The following FAM114A1 variants were observed in gnomAD, a reference collection of about 807,000 sequenced individuals.
FAM114A1 encodes protein NOXP20.
In FAM114A1, 62 loss-of-function variants were observed where a neutral mutation model predicts 64.3. That is an observed-to-expected ratio of 0.96 (90% CI 0.79 to 1.19). The LOEUF is 1.19. FAM114A1 is among the 50% of genes most tolerant of loss of function. The pLI, the probability that FAM114A1 is intolerant of heterozygous loss-of-function variation, is 0.00. For synonymous variants in FAM114A1, 254 were observed against 251.1 expected (o/e 1.01, Z -0.11); for missense variants, 645 against 676.3 (o/e 0.95, Z 0.51).
chr4:38,927,307 C>T (rs1459595534), intron 9 of FAM114A1, among the ~76,000 whole-genome samples: 2 of 152,274 alleles, frequency 1.3e-5, no homozygotes, highest in South Asian at 2.1e-4. Flanking sequence ...CTTTGGAGAC[C>T]GTAAAGTCGA....
intron 14 of FAM114A1, among the ~76,000 whole-genome samples, chr4:38,941,760 C>T (rs1326221142): frequency 6.6e-6 from 1 of 152,142 alleles, no homozygotes; most frequent in Non-Finnish European, 1.5e-5. Context: ...GCTGAAGGCA[C>T]AAGGTGTTAA....
chr4:38,882,518 A>G (rs1329506908), intron 3 of FAM114A1, among the ~76,000 whole-genome samples: 1 of 151,492 alleles, frequency 6.6e-6, no homozygotes, highest in Non-Finnish European at 1.5e-5. Flanking sequence ...AATCCCAGCT[A>G]CTCGAGAGGC....
chr4:38,913,483 C>T (rs961254249), intron 7 of FAM114A1, among the ~76,000 whole-genome samples: 9 of 152,064 alleles, frequency 5.9e-5, no homozygotes, highest in African/African-American at 1.4e-4. Flanking sequence ...ACTGCGCCTC[C>T]GGGTTCAACC....
At chr4:38,873,074 C>T (rs1302355424) in intron 2 of FAM114A1, among the ~76,000 whole-genome samples, 1 of 152,216 alleles carries the variant, frequency 6.6e-6, no homozygotes, top group Non-Finnish European at 1.5e-5. Flanking sequence ...TACCCCTTCT[C>T]TATACAGTGG....
chr4:38,922,021 A>AAACTCCG (rs1389202675), intron 8 of FAM114A1, among the ~76,000 whole-genome samples: 2 of 152,108 alleles, frequency 1.3e-5, no homozygotes, highest in Non-Finnish European at 2.9e-5. Flanking sequence ...GGCTCACTGC[A>AAACTCCG]AACTCCGACT....
chr4:38,943,356 T>TG (rs66999589), intron 14 of FAM114A1, 100 bp from the exon 15 acceptor site: 5 of 849,118 alleles, frequency 5.9e-6, no homozygotes, highest in Middle Eastern at 2.2e-4. Flanking sequence ...TAATCCAATA[T>TG]GGGGGGTGGG....
At chr4:38,883,371 T>C (rs543117481) in intron 3 of FAM114A1, among the ~76,000 whole-genome samples, 1 of 152,284 alleles carries the variant, frequency 6.6e-6, no homozygotes, top group East Asian at 1.9e-4. Context: ...GGGAGTAACA[T>C]TTGTTCCCAG....
At chr4:38,904,320 A>G (rs1717786203) in intron 4 of FAM114A1, among the ~76,000 whole-genome samples, 1 of 152,206 alleles carries the variant, frequency 6.6e-6, no homozygotes, top group African/African-American at 2.4e-5. Context: ...CAGAAAAGCT[A>G]TAGCTCATCG....
intron 13 of FAM114A1, 133 bp from the exon 14 acceptor site, chr4:38,940,835 G>T: frequency 2.2e-6 from 2 of 889,940 alleles, no homozygotes; most frequent in South Asian, 3.1e-5. Flanking sequence ...AGCCTGGTCT[G>T]TAGGAAGCAT....
At chr4:38,904,338 C>G (rs556916121) in intron 4 of FAM114A1, among the ~76,000 whole-genome samples, 28 of 152,274 alleles carry the variant, frequency 1.8e-4, no homozygotes, top group African/African-American at 6.5e-4. Flanking sequence ...TCGTGAAGGC[C>G]TCAAAGGGAG....
chr4:38,905,883 C>T (rs1259536527), intron 6 of FAM114A1, 22 bp downstream of exon 6: 3 of 1,594,096 alleles, frequency 1.9e-6, no homozygotes, highest in Non-Finnish European at 2.6e-6. Flanking sequence ...GCTGCTTCCT[C>T]TCTTTCCCCT....
Position 38,917,545 on chromosome 4 carries a change from A to C in FAM114A1, c.945+2472A>C, listed in dbSNP as rs144786324. On this transcript the variant is annotated intron_variant, in intron 8 of 14. Coordinates refer to ENST00000358869, the MANE Select transcript of FAM114A1 (RefSeq NM_138389.4). ...ACTAACACAGAAGTAAGCACTGAAT[A>C]ATGTACACATGTTGATGACAGTTGA... Among the ~76,000 whole-genome samples the C allele has an allele frequency of 4.1e-3, 627 of 152,364 alleles. 9 individuals carry two copies. Among genetic ancestry groups the C allele is most frequent in the Admixed American group, 0.038 (579 of 15,306 alleles).
chr4:38,925,926 T>C (rs1314259055), intron 9 of FAM114A1, among the ~76,000 whole-genome samples: 5 of 152,234 alleles, frequency 3.3e-5, no homozygotes, highest in Admixed American at 3.3e-4. Flanking sequence ...ACAGAATTAA[T>C]ACACCTTTAA....
intron 11 of FAM114A1, 109 bp downstream of exon 11, chr4:38,931,721 T>A (rs142953171): frequency 8.2e-7 from 1 of 1,214,244 alleles, no homozygotes; most frequent in East Asian, 2.7e-5. Context: ...TTGTTCCGTG[T>A]TATAGAAATA....
chr4:38,891,617 T>A (rs926765352), intron 3 of FAM114A1, 126 bp from the exon 4 acceptor site: 6 of 770,394 alleles, frequency 7.8e-6, no homozygotes, highest in Non-Finnish European at 1.2e-5. Flanking sequence ...TTATAAACTA[T>A]AAGCCAATTA....
At chr4:38,873,375 T>C (rs1226919809) in intron 2 of FAM114A1, among the ~76,000 whole-genome samples, 1 of 152,252 alleles carries the variant, frequency 6.6e-6, no homozygotes, top group Non-Finnish European at 1.5e-5. Flanking sequence ...AGAGAGCTCC[T>C]GAGTGTCTGT....
At chr4:38,943,380 A>C in intron 14 of FAM114A1, 76 bp from the exon 15 acceptor site, 2 of 1,258,572 alleles carry the variant, frequency 1.6e-6, no homozygotes, top group Non-Finnish European at 1.2e-6. Flanking sequence ...AAGAGTGGGA[A>C]CATTATCCAA....
At chr4:38,938,548 A>T (rs994245250) in intron 13 of FAM114A1, 1 of 152,236 alleles carries the variant, frequency 6.6e-6, no homozygotes, top group Admixed American at 6.5e-5. Flanking sequence ...GGCTGGACAA[A>T]ATGCATTTGC....
At chr4:38,878,515 A>T (rs11943209) in intron 3 of FAM114A1, 89 bp downstream of exon 3, 310,504 of 1,187,074 alleles carry the variant, frequency 0.26, 42,412 homozygotes, top group African/African-American at 0.31. Flanking sequence ...GTGGGTGGGA[A>T]TTGGGAGTTC....
Sources: gnomAD v4.1 joint callset for allele counts (sites outside exome capture counted in the v4.1 genomes callset) on GRCh38, gnomAD v4.1.1 for gene constraint, MANE v1.5 for transcripts, NCBI Gene and HGNC (gene_info 2026-07-23, HGNC 2026-07-21) for gene names.